Variants in ATP2A1 observed in about 807,000 individuals in gnomAD.
ATP2A1 encodes the protein sarcoplasmic/endoplasmic reticulum calcium ATPase 1.
Under a neutral mutation model 109.5 loss-of-function variants are expected in ATP2A1, and 83 were observed. That is an observed-to-expected ratio of 0.76 (90% CI 0.63 to 0.91). The LOEUF (loss-of-function observed/expected upper bound fraction) is 0.91. Among genes scored for constraint, ATP2A1 ranks in the 40% least tolerant of loss-of-function variants. The pLI is 0.00. For missense variants in ATP2A1, 1,101 were observed against 1,341.0 expected (o/e 0.82, Z 2.80); for synonymous variants, 505 against 537.6 (o/e 0.94, Z 0.84).
At chr16:28,879,437 C>T in intron 2 of ATP2A1, 64 bp from the exon 3 acceptor site, 1 of 1,495,478 alleles carries the variant, frequency 6.7e-7, no homozygotes, top group Non-Finnish European at 9.3e-7. Context: ...GTCCAGGGCG[C>T]TCCATCCCAG....
chr16:28,889,102 C>A, intron 9 of ATP2A1, 149 bp downstream of exon 9: 1 of 1,185,886 alleles, frequency 8.4e-7, no homozygotes, highest in Non-Finnish European at 1.2e-6. Flanking sequence ...GCCATCCTGT[C>A]TGCCATGAAC....
In ATP2A1 at chr16:28,900,762, C is replaced by T. The variant is rs1390883871; in HGVS notation, c.1946C>T (p.Ala649Val). Residue 649 changes from alanine (A) to valine (V), a missense_variant, in exon 15 of 23, where the codon GCC becomes GTC. Coordinates refer to ENST00000395503, the MANE Select transcript of ATP2A1 (RefSeq NM_004320.6). ...ATCTTTGGGGAGAACGAGGAGGTGG[C>T]CGATCGCGCCTACACGGGCCGAGAG... ...IGIFGENEEVADRAYTGREFD... is the reference protein window; with the variant it reads ...IGIFGENEEVVDRAYTGREFD... 6.2e-7 allele frequency: 1 copy of T among 1,614,212 alleles called. No individual in the cohort carries two copies. Among genetic ancestry groups the T allele is most frequent in the Admixed American group, 1.7e-5 (1 of 60,014 alleles).
chr16:28,898,452 G>T lies in ATP2A1; in HGVS notation c.1764+1G>T. ...CTCTGCCAGGTTCCTGGAGTATGAGGTAAGCAGCTGGGAGCCTCCCACTGT... is the reference window on the plus strand; with the variant it reads ...CTCTGCCAGGTTCCTGGAGTATGAGTTAAGCAGCTGGGAGCCTCCCACTGT... On this transcript the variant is annotated splice_donor_variant, in intron 14 of 22. Transcript: ENST00000395503. LOFTEE classifies it high-confidence loss of function. The surrounding 1 kb of genome is among the most constrained non-coding windows in gnomAD (Gnocchi z 4.0). 6.2e-7 allele frequency: 1 copy of T among 1,610,914 alleles called. No homozygotes were observed. The highest frequency in any genetic ancestry group is 8.5e-7 in the Non-Finnish European group (1 of 1,179,612).
intron 22 of ATP2A1, 105 bp from the exon 23 acceptor site, chr16:28,904,075 G>A (rs1964176110): frequency 9.2e-7 from 1 of 1,091,014 alleles, no homozygotes; most frequent in Non-Finnish European, 1.4e-6. Flanking sequence ...TGGCAGGGTG[G>A]TAAGCTTCTG....
At chr16:28,886,002 T>TA (rs1218392882) in intron 6 of ATP2A1, among the ~76,000 whole-genome samples, 9 of 150,166 alleles carry the variant, frequency 6.0e-5, no homozygotes, top group Middle Eastern at 3.5e-3. Context: ...CCCATCTCTA[T>TA]AAAAAAAAAA....
intron 12 of ATP2A1, among the ~76,000 whole-genome samples, chr16:28,896,303 C>T (rs2152210553): frequency 6.6e-6 from 1 of 151,948 alleles, no homozygotes; most frequent in East Asian, 1.9e-4. Flanking sequence ...CTCAGCTCAC[C>T]ACAACCTCCG....
chr16:28,887,146 G>C, intron 6 of ATP2A1, 43 bp from the exon 7 acceptor site: 2 of 1,592,784 alleles, frequency 1.3e-6, no homozygotes, highest in Non-Finnish European at 8.6e-7. Flanking sequence ...CCTGGGAGAA[G>C]GACATGATGT....
chr16:28,879,697 C>CA, intron 3 of ATP2A1, 114 bp downstream of exon 3: 1 of 1,258,336 alleles, frequency 7.9e-7, no homozygotes, highest in Non-Finnish European at 1.1e-6. Context: ...TCCCATTGTA[C>CA]AGACGGGGCG....
chr16:28,887,300 C>T (rs774263567), intron 7 of ATP2A1, 26 bp downstream of exon 7: 1 of 1,613,686 alleles, frequency 6.2e-7, no homozygotes. Context: ...CCAGCCATCA[C>T]ACACTCAGTC....
At position 28,882,442 on chromosome 16, in the gene ATP2A1, TCTC is replaced by T. The variant is rs781294517; in HGVS notation, c.325-5_325-3del. 3 of 1,613,958 alleles carry T rather than the reference TCTC, an allele frequency of 1.9e-6. No individual in the cohort carries two copies. In the East Asian group the frequency reaches 6.7e-5, roughly 36 times the overall value. ...GTATAACCCTGCCTCCTCCACCCTGTCTCCTCAGGAGCGGAACGCAGAGAACGC... is the reference window on the plus strand; with the variant it reads ...GTATAACCCTGCCTCCTCCACCCTGTCTCAGGAGCGGAACGCAGAGAACGC... On this transcript the variant is annotated splice_region_variant and splice_polypyrimidine_tract_variant and intron_variant, in intron 4 of 22. Transcript: ENST00000395503.
chr16:28,881,026 G>A lies in ATP2A1; in HGVS notation c.324+7G>A, dbSNP rs373459786. The A allele has an allele frequency of 9.3e-6, 15 of 1,612,612 alleles. No individual in the cohort carries two copies. Among genetic ancestry groups the A allele is most frequent in the East Asian group, 6.7e-5 (3 of 44,884 alleles). On this transcript the variant is annotated splice_region_variant and intron_variant, in intron 4 of 22. Coordinates refer to ENST00000395503, the MANE Select transcript of ATP2A1 (RefSeq NM_004320.6). ...CATCGTGGGGGTTTGGCAGGTTAGC[G>A]TTGACCCTTCCTTACCCCTTCATGT... is the stretch of plus-strand genomic sequence containing the variant.
In ATP2A1 at chr16:28,902,948, G is replaced by C; in HGVS notation, c.2744+37G>C. On this transcript the variant is annotated intron_variant, in intron 19 of 22. Transcript: ENST00000395503. This position sits in a 1 kb window ranked among gnomAD's most constrained non-coding sequence, Gnocchi z 4.8. Reference sequence around the variant, plus strand: ...CCAGCTACACCCACCACCCTCCCCTGAGGCCACTGCCCACATCCTCCACTG... The same window carrying C: ...CCAGCTACACCCACCACCCTCCCCTCAGGCCACTGCCCACATCCTCCACTG... The C allele has an allele frequency of 1.2e-6, 2 of 1,612,610 alleles. No individual in the cohort carries two copies. Among genetic ancestry groups the C allele is most frequent in the Non-Finnish European group, 1.7e-6 (2 of 1,179,562 alleles).
intron 10 of ATP2A1, 99 bp from the exon 11 acceptor site, chr16:28,894,406 C>A (rs1963860453): frequency 2.2e-6 from 3 of 1,344,674 alleles, no homozygotes; most frequent in Non-Finnish European, 3.1e-6. Flanking sequence ...ACTGTCCTTC[C>A]TTACCCTCTG....
Position 28,902,815 on chromosome 16 carries a change from T to C in ATP2A1, c.2648T>C (p.Phe883Ser). ...FMQCTEDNTH[F>S]EGIDCEVFEA... ...CAGTGCACCGAGGACAACACCCACT[T>C]TGAGGGCATAGACTGTGAGGTCTTC... The change falls in exon 19 of 23, where the codon TTT becomes TCT. Residue 883 changes from phenylalanine to serine, a missense_variant. Phe to Ser is a radical substitution (Grantham distance 155, BLOSUM62 -2). Coordinates refer to ENST00000395503, the MANE Select transcript of ATP2A1 (RefSeq NM_004320.6). This position sits in a 1 kb window ranked among gnomAD's most constrained non-coding sequence, Gnocchi z 4.8. 6.2e-7 allele frequency: 1 copy of C among 1,613,892 alleles called. No homozygotes were observed.
chr16:28,879,233 A>G (rs948158275), intron 2 of ATP2A1, 117 bp downstream of exon 2: 9 of 1,344,034 alleles, frequency 6.7e-6, no homozygotes, highest in Admixed American at 3.4e-5. Context: ...CCAAAAGGCA[A>G]ATCTCCCTCC....
chr16:28,889,093 C>A, intron 9 of ATP2A1, 140 bp downstream of exon 9: 1 of 1,244,754 alleles, frequency 8.0e-7, no homozygotes. Flanking sequence ...CAGTAGAACG[C>A]CATCCTGTCT....
At position 28,884,621 on chromosome 16, in the gene ATP2A1, C is replaced by T; in HGVS notation, c.510C>T (p.Ser170=). 6.2e-7 allele frequency: 1 copy of T among 1,613,880 alleles called. No individual in the cohort carries two copies. Among genetic ancestry groups the T allele is most frequent in the Non-Finnish European group, 8.5e-7 (1 of 1,180,018 alleles). ...PADIRILAIK[S]TTLRVDQSIL... ...ACATCCGAATCCTCGCCATCAAATC[C>T]ACCACGCTGCGGGTTGACCAGTCCA... The change falls in exon 6 of 23, where the codon TCC becomes TCT. Residue 170 remains serine, a synonymous_variant. Transcript: ENST00000395503.
At chr16:28,891,589 C>CAAA (rs58605175) in intron 9 of ATP2A1, among the ~76,000 whole-genome samples, 2 of 72,672 alleles carry the variant, frequency 2.8e-5, no homozygotes, top group Non-Finnish European at 4.8e-5. Context: ...GACTCCGTCT[C>CAAA]AAAAAAAAAA....
At chr16:28,896,117 T>G (rs1190965917) in intron 12 of ATP2A1, among the ~76,000 whole-genome samples, 1 of 152,166 alleles carries the variant, frequency 6.6e-6, no homozygotes, top group Non-Finnish European at 1.5e-5. Flanking sequence ...TGCACCACTT[T>G]TCCTGGCTAC....
Sources: gnomAD v4.1 joint callset for allele counts (sites outside exome capture counted in the v4.1 genomes callset) on GRCh38, gnomAD v4.1.1 for gene constraint, Gnocchi (gnomAD v3.1) non-coding constraint, MANE v1.5 for transcripts, NCBI Gene and HGNC (gene_info 2026-07-23, HGNC 2026-07-21) for gene names.